The following ATF7IP2 variants were observed in gnomAD, a reference collection of about 807,000 sequenced individuals.
The protein encoded by ATF7IP2 is activating transcription factor 7-interacting protein 2.
In ATF7IP2, 42 loss-of-function variants were observed where a neutral mutation model predicts 64.2. The observed-to-expected ratio is 0.65, with a 90% CI of 0.51 to 0.85. ATF7IP2 has a LOEUF of 0.85. ATF7IP2 is among the 40% of genes least tolerant of loss of function. The probability of loss-of-function intolerance (pLI) is 0.00; values close to 1 mark genes in which losing one functional copy is unlikely to be tolerated. For synonymous variants in ATF7IP2, 308 were observed against 272.8 expected (o/e 1.13, Z -1.27); for missense variants, 933 against 784.2 (o/e 1.19, Z -2.27).
rs187050751 is a variant in ATF7IP2, at chr16:10,453,235, C to A, written c.1195-4137C>A. Reference sequence around the variant, plus strand: ...TGGTAGCATAGGCACCGGAGGGAATCTCCTGGTCTGTGGGTTGTGAAGACT... The same window carrying A: ...TGGTAGCATAGGCACCGGAGGGAATATCCTGGTCTGTGGGTTGTGAAGACT... On this transcript the variant is annotated intron_variant, in intron 8 of 13. Coordinates refer to ENST00000562102, the MANE Select transcript of ATF7IP2 (RefSeq NM_001393719.1). Among the ~76,000 whole-genome samples, 46 of 152,326 alleles carry A rather than the reference C, an allele frequency of 3.0e-4. 1 individual carries two copies. The East Asian group carries it at 8.9e-3, about 29-fold the overall frequency.
At chr16:10,403,198 C>T (rs1464342032) in intron 1 of ATF7IP2, among the ~76,000 whole-genome samples, 1 of 152,106 alleles carries the variant, frequency 6.6e-6, no homozygotes, top group Non-Finnish European at 1.5e-5. Context: ...GAGGTCAGCC[C>T]ACATAGCTTA....
At chr16:10,437,774 A>G (rs926270469) in intron 6 of ATF7IP2, among the ~76,000 whole-genome samples, 1 of 152,240 alleles carries the variant, frequency 6.6e-6, no homozygotes, top group Non-Finnish European at 1.5e-5. Context: ...TGGATATTAA[A>G]AAATATAAAT....
At chr16:10,480,796 C>T in intron 12 of ATF7IP2, 83 bp from the exon 13 acceptor site, 1 of 911,274 alleles carries the variant, frequency 1.1e-6, no homozygotes, top group South Asian at 1.4e-5. Flanking sequence ...TAATTACCAC[C>T]AAAGATGTAA....
At chr16:10,437,819 A>G (rs1431073875) in intron 6 of ATF7IP2, among the ~76,000 whole-genome samples, 1 of 152,246 alleles carries the variant, frequency 6.6e-6, no homozygotes, top group Non-Finnish European at 1.5e-5. Context: ...TATAATGTAT[A>G]GTATGGAATT....
intron 12 of ATF7IP2, 78 bp from the exon 13 acceptor site, chr16:10,480,801 A>T: frequency 1.1e-6 from 1 of 940,746 alleles, no homozygotes; most frequent in African/African-American, 1.6e-5. Flanking sequence ...ACCACCAAAG[A>T]TGTAAACTAT....
At chr16:10,467,389 T>G (rs2049615010) in intron 9 of ATF7IP2, among the ~76,000 whole-genome samples, 1 of 152,192 alleles carries the variant, frequency 6.6e-6, no homozygotes, top group Admixed American at 6.5e-5. Flanking sequence ...TTGAAATTGA[T>G]AAAGTATTTT....
intron 3 of ATF7IP2, among the ~76,000 whole-genome samples, chr16:10,427,177 A>T (rs1029916632): frequency 6.6e-6 from 1 of 152,170 alleles, no homozygotes; most frequent in Non-Finnish European, 1.5e-5. Flanking sequence ...TAATATGTTA[A>T]GTATGCTTTG....
chr16:10,477,014 C>A (rs2050034667), intron 12 of ATF7IP2, among the ~76,000 whole-genome samples: 1 of 152,036 alleles, frequency 6.6e-6, no homozygotes, highest in African/African-American at 2.4e-5. Context: ...TGGGTAAATA[C>A]CCAGTAATGA....
At chr16:10,422,169 C>A (rs1290033873) in intron 3 of ATF7IP2, among the ~76,000 whole-genome samples, 1 of 152,152 alleles carries the variant, frequency 6.6e-6, no homozygotes, top group African/African-American at 2.4e-5. Flanking sequence ...CCTCTAAAGC[C>A]TCCAGTTTCT....
At position 10,440,390 on chromosome 16, in the gene ATF7IP2, T is replaced by C. The variant is rs183442276; in HGVS notation, c.1122T>C (p.Arg374=). The C allele has an allele frequency of 2.8e-5, 43 of 1,561,658 alleles. 1 individual carries two copies. The Admixed American group carries it at 8.5e-4, about 31-fold the overall frequency. The stretch of plus-strand genomic sequence containing the variant: ...CAAAAATAGCAAAACTTCAAAGACG[T>C]ATTAAAACAGTATTATTATTTCAAA... ...LLAKIAKLQR[R]IKTVLLFQRN... The change falls in exon 8 of 14, where the codon CGT becomes CGC. Residue 374 remains arginine (R), a synonymous_variant. Transcript: ENST00000562102.
chr16:10,453,194 T>G (rs1490987181), intron 8 of ATF7IP2, among the ~76,000 whole-genome samples: 1 of 152,174 alleles, frequency 6.6e-6, no homozygotes, highest in Admixed American at 6.5e-5. Flanking sequence ...AGCTTTGTGC[T>G]TGAAACCCAG....
intron 5 of ATF7IP2, 98 bp from the exon 6 acceptor site, chr16:10,433,427 A>T (rs942460587): frequency 5.1e-5 from 57 of 1,121,582 alleles, no homozygotes; most frequent in Non-Finnish European, 4.6e-5. Flanking sequence ...CTCCCTCCTT[A>T]GCCTCCCAGA....
chr16:10,436,866 A>G (rs933331353), intron 6 of ATF7IP2, among the ~76,000 whole-genome samples: 5 of 152,074 alleles, frequency 3.3e-5, no homozygotes, highest in African/African-American at 1.2e-4. Context: ...GGGCATTGAA[A>G]TTAATTATTC....
chr16:10,453,542 C>T (rs2049058434), intron 8 of ATF7IP2, among the ~76,000 whole-genome samples: 1 of 152,204 alleles, frequency 6.6e-6, no homozygotes, highest in Non-Finnish European at 1.5e-5. Flanking sequence ...ATCTTGCCAG[C>T]AATCCGAAAT....
chr16:10,411,600 C>T (rs2141815200), intron 1 of ATF7IP2, among the ~76,000 whole-genome samples: 1 of 152,170 alleles, frequency 6.6e-6, no homozygotes, highest in Non-Finnish European at 1.5e-5. Flanking sequence ...AACTCCTGAC[C>T]TCTGGTGATC....
intron 9 of ATF7IP2, 159 bp downstream of exon 9, chr16:10,457,688 G>T: frequency 1.7e-6 from 1 of 573,906 alleles, no homozygotes; most frequent in Non-Finnish European, 2.7e-6. Context: ...CAGTTGTGGG[G>T]GTTTTTTTTT....
intron 9 of ATF7IP2, among the ~76,000 whole-genome samples, chr16:10,459,555 G>C (rs2049302863): frequency 6.6e-6 from 1 of 152,044 alleles, no homozygotes; most frequent in Non-Finnish European, 1.5e-5. Context: ...GCTGACACAG[G>C]AGAATTGCTT....
chr16:10,433,485 T>G, intron 5 of ATF7IP2, 40 bp from the exon 6 acceptor site: 2 of 1,584,480 alleles, frequency 1.3e-6, no homozygotes, highest in Non-Finnish European at 1.7e-6. Flanking sequence ...TGTTTTTTTC[T>G]TTAAAATATC....
intron 12 of ATF7IP2, among the ~76,000 whole-genome samples, chr16:10,477,712 C>A (rs2050063644): frequency 6.6e-6 from 1 of 151,798 alleles, no homozygotes. Flanking sequence ...TCAAATTGTC[C>A]CTGTTTGCAG....
Sources: gnomAD v4.1 joint callset for allele counts (sites outside exome capture counted in the v4.1 genomes callset) on GRCh38, gnomAD v4.1.1 for gene constraint, MANE v1.5 for transcripts, NCBI Gene and HGNC (gene_info 2026-07-23, HGNC 2026-07-21) for gene names.